Variants in CYTH3 observed in about 807,000 individuals in gnomAD.
The protein encoded by CYTH3 is cytohesin 3.
In CYTH3, 23 loss-of-function variants were observed where a neutral mutation model predicts 55.1. The observed-to-expected ratio is 0.42, with a 90% CI of 0.30 to 0.59. The LOEUF (loss-of-function observed/expected upper bound fraction) is 0.59, where lower values mean the gene tolerates loss of function less well. CYTH3 is among the 20% of genes least tolerant of loss of function. The pLI, the probability that CYTH3 is intolerant of heterozygous loss-of-function variation, is 0.20. For synonymous variants in CYTH3, 249 were observed against 194.9 expected (o/e 1.28, Z -2.31); for missense variants, 413 against 524.8 (o/e 0.79, Z 2.08).
intron 1 of CYTH3, among the ~76,000 whole-genome samples, chr7:6,259,799 A>T (rs1317439446): frequency 1.0e-3 from 25 of 24,980 alleles, no homozygotes; most frequent in Non-Finnish European, 1.3e-3. Context: ...ATATATATAT[A>T]TATATATATA....
chr7:6,224,374 T>C (rs1483447312), intron 1 of CYTH3, among the ~76,000 whole-genome samples: 2 of 142,466 alleles, frequency 1.4e-5, no homozygotes, highest in African/African-American at 5.2e-5. Flanking sequence ...AACAAAACCA[T>C]ATATTATTAA....
chr7:6,200,019 C>A (rs920294075), intron 1 of CYTH3, among the ~76,000 whole-genome samples: 1 of 152,168 alleles, frequency 6.6e-6, no homozygotes, highest in East Asian at 1.9e-4. Context: ...TATTTACCAT[C>A]TTTAATAAAA....
chr7:6,272,411 A>AC (rs1780689194), intron 1 of CYTH3, 63 bp downstream of exon 1: 3 of 434,092 alleles, frequency 6.9e-6, no homozygotes, highest in Admixed American at 7.5e-5. Flanking sequence ...CGCGCCCTCG[A>AC]CCCCCAGCCC....
chr7:6,183,825 G>C (rs73675888), intron 4 of CYTH3, among the ~76,000 whole-genome samples: 1 of 151,970 alleles, frequency 6.6e-6, no homozygotes, highest in South Asian at 2.1e-4. Context: ...TGTTACATGA[G>C]GTCCTGGCCT....
Position 6,170,028 on chromosome 7 carries a change from G to C in CYTH3, c.823+507C>G, listed in dbSNP as rs911991744. ...GAGCTCACACAGACCAACGTGGGGA[G>C]AGCGAGAGGAATGAGCCGCTGAGGG... On this transcript the variant is annotated intron_variant, in intron 9 of 12. Transcript: ENST00000350796. The surrounding 1 kb of genome is among the most constrained non-coding windows in gnomAD (Gnocchi z 7.8). The C allele has an allele frequency of 5.9e-6, 1 of 168,276 alleles. No homozygotes were observed. The highest frequency in any genetic ancestry group is 1.3e-5 in the Non-Finnish European group (1 of 77,648). The allele number at this position is 168,276 out of a possible 1,614,324, so 10.4% of individuals were successfully genotyped here. A position where few individuals can be genotyped will look rare whatever the true frequency, so the allele number is the denominator to read the frequency against.
At chr7:6,199,240 G>A (rs1182221562) in intron 1 of CYTH3, among the ~76,000 whole-genome samples, 1 of 152,126 alleles carries the variant, frequency 6.6e-6, no homozygotes, top group African/African-American at 2.4e-5. Flanking sequence ...CAGTTGTTGA[G>A]GTCTATATTT....
At chr7:6,251,517 A>C (rs1317385239) in intron 1 of CYTH3, among the ~76,000 whole-genome samples, 4 of 152,162 alleles carry the variant, frequency 2.6e-5, no homozygotes, top group Non-Finnish European at 5.9e-5. Context: ...AATACCGTTC[A>C]TGGCGGCGCA....
intron 1 of CYTH3, among the ~76,000 whole-genome samples, chr7:6,217,058 G>A (rs546897126): frequency 2.0e-5 from 3 of 151,996 alleles, no homozygotes; most frequent in East Asian, 1.9e-4. Context: ...GATTACAGGC[G>A]TGTGCCACCA....
chr7:6,215,607 A>G (rs987488000), intron 1 of CYTH3, among the ~76,000 whole-genome samples: 1 of 151,078 alleles, frequency 6.6e-6, no homozygotes, highest in African/African-American at 2.4e-5. Context: ...AAAAAAAAAA[A>G]GACAAATAAG....
intron 2 of CYTH3, among the ~76,000 whole-genome samples, chr7:6,188,078 G>A (rs1286076191): frequency 6.6e-6 from 1 of 152,114 alleles, no homozygotes; most frequent in African/African-American, 2.4e-5. Context: ...TGTAATCCCA[G>A]CATTTTGGGA....
chr7:6,262,906 G>A (rs968133190), intron 1 of CYTH3, among the ~76,000 whole-genome samples: 3 of 151,768 alleles, frequency 2.0e-5, no homozygotes, highest in Non-Finnish European at 2.9e-5. Flanking sequence ...GCAACAGAGC[G>A]CGACTCTAAT....
chr7:6,236,712 C>T (rs763008129), intron 1 of CYTH3, among the ~76,000 whole-genome samples: 2 of 152,146 alleles, frequency 1.3e-5, no homozygotes, highest in Non-Finnish European at 2.9e-5. Context: ...CAGGCGCATG[C>T]CACCACACCC....
chr7:6,179,638 TCA>T (rs1258522556), intron 4 of CYTH3, among the ~76,000 whole-genome samples: 3 of 19,048 alleles, frequency 1.6e-4, no homozygotes, highest in Non-Finnish European at 3.3e-4. Flanking sequence ...CACATACACC[TCA>T]CACACCCCAC....
At position 6,187,601 on chromosome 7, in the gene CYTH3, G is replaced by A. The variant is rs565816635; in HGVS notation, c.182+56C>T. 22 of 1,481,430 alleles carry A rather than the reference G, an allele frequency of 1.5e-5. No individual in the cohort carries two copies. The South Asian group carries it at 2.3e-4, about 15-fold the overall frequency. 91.8% of individuals were successfully genotyped at this position (1,481,430 alleles called of 1,614,324 possible). A position where few individuals can be genotyped will look rare whatever the true frequency, so the allele number is the denominator to read the frequency against. The stretch of plus-strand genomic sequence containing the variant: ...CCACTTTCTGCAAGTTTGACTACAG[G>A]ATGGAGGTAGAAAGAAAAGAGTAAA... On this transcript the variant is annotated intron_variant, in intron 3 of 12. Transcript: ENST00000350796.
chr7:6,165,775 T>G lies in CYTH3; in HGVS notation c.859A>C (p.Ile287Leu). The change falls in exon 10 of 13, where the codon ATC (isoleucine) becomes CTC (leucine). Residue 287 changes from isoleucine (I) to leucine (L), a missense_variant. This residue lies in a region of CYTH3 where 156 missense variants were observed against 233.1 expected (regional missense o/e 0.67). Transcript: ENST00000350796. ...RVKTWKRRWF[I>L]LTDNCLYYFE... ...TAATAGAGGCAGTTATCGGTCAGGATGAACCACCGGCGCTTCCAGGTCTTC... is the reference window on the plus strand; with the variant it reads ...TAATAGAGGCAGTTATCGGTCAGGAGGAACCACCGGCGCTTCCAGGTCTTC... 1 of 1,614,124 alleles carries G rather than the reference T, an allele frequency of 6.2e-7. No homozygotes were observed. Among genetic ancestry groups the G allele is most frequent in the Non-Finnish European group, 8.5e-7 (1 of 1,180,008 alleles).
intron 1 of CYTH3, among the ~76,000 whole-genome samples, chr7:6,214,924 A>C (rs775028185): frequency 5.3e-5 from 8 of 151,990 alleles, no homozygotes; most frequent in Admixed American, 5.2e-4. Flanking sequence ...GTATTTTCTT[A>C]TCTTGATTTT....
rs1783211126 is a variant in CYTH3, at chr7:6,171,980, T to A, written c.450-666A>T. ...CTTGGCTGCGTGGCACCACCCCTGC[T>A]ACCTGTCTGCCTTAGCCACCGTCTG... is the stretch of plus-strand genomic sequence containing the variant. On this transcript the variant is annotated intron_variant, in intron 6 of 12. Coordinates refer to ENST00000350796, the MANE Select transcript of CYTH3 (RefSeq NM_004227.4). The surrounding 1 kb of genome is among the most constrained non-coding windows in gnomAD (Gnocchi z 6.7). 2 of 153,720 alleles carry A rather than the reference T, an allele frequency of 1.3e-5. No individual in the cohort carries two copies. 9.5% of individuals were successfully genotyped at this position (153,720 alleles called of 1,614,324 possible). A position where few individuals can be genotyped will look rare whatever the true frequency, so the allele number is the denominator to read the frequency against.
At chr7:6,261,447 G>GC (rs1373854166) in intron 1 of CYTH3, among the ~76,000 whole-genome samples, 1 of 152,124 alleles carries the variant, frequency 6.6e-6, no homozygotes, top group Non-Finnish European at 1.5e-5. Context: ...AGGTGAGGTG[G>GC]CTCAGGCCTG....
chr7:6,215,828 GAGAA>G (rs1254265474), intron 1 of CYTH3, among the ~76,000 whole-genome samples: 2 of 152,114 alleles, frequency 1.3e-5, no homozygotes, highest in Non-Finnish European at 2.9e-5. Context: ...ACCTATAGAG[GAGAA>G]AGATAATTCA....
Sources: gnomAD v4.1 joint callset for allele counts (sites outside exome capture counted in the v4.1 genomes callset) on GRCh38, gnomAD v4.1.1 for gene constraint, gnomAD v4.1.1 regional missense constraint, Gnocchi (gnomAD v3.1) non-coding constraint, MANE v1.5 for transcripts, NCBI Gene and HGNC (gene_info 2026-07-23, HGNC 2026-07-21) for gene names.